LRP1B: variants seen among roughly 807,000 people sequenced by gnomAD.
LRP1B encodes the protein LDL receptor related protein 1B.
A neutral mutation model predicts 556.6 loss-of-function variants in LRP1B; 217 were observed. The ratio of observed to expected loss-of-function variants is 0.39; its 90% CI spans 0.35 to 0.44. LRP1B has a LOEUF of 0.44. Ranked by LOEUF, LRP1B falls within the 20% of genes least tolerant of loss-of-function variation. LRP1B has a pLI of 1.00. For missense variants in LRP1B, 5,053 were observed against 5,620.8 expected, an observed-to-expected ratio of 0.90 and a Z score of 3.23; for synonymous variants, 2,047 against 1,865.8, an observed-to-expected ratio of 1.10 and a Z score of -2.50.
chr2:141,311,344 C>T (rs1313040735), intron 3 of LRP1B, among the ~76,000 whole-genome samples: 1 of 152,162 alleles, frequency 6.6e-6, no homozygotes, highest in African/African-American at 2.4e-5. Flanking sequence ...CTAAAGATTA[C>T]TATCCCTCTC....
chr2:140,900,794 T>C (rs1694081294), intron 23 of LRP1B, among the ~76,000 whole-genome samples: 1 of 135,446 alleles, frequency 7.4e-6, no homozygotes, highest in Admixed American at 8.0e-5. Context: ...TCAAGAACAA[T>C]ATGTCCTAGA....
intron 3 of LRP1B, among the ~76,000 whole-genome samples, chr2:141,320,771 C>T (rs1015389801): frequency 7.2e-5 from 11 of 152,036 alleles, no homozygotes; most frequent in Admixed American, 4.6e-4. Flanking sequence ...CGCAGTTTCA[C>T]GTAAAATTAA....
At chr2:141,357,044 TTTTTA>T (rs1262851377) in intron 3 of LRP1B, among the ~76,000 whole-genome samples, 11 of 150,814 alleles carry the variant, frequency 7.3e-5, no homozygotes, top group East Asian at 3.9e-4. Flanking sequence ...TTTTATTTTA[TTTTTA>T]TTTTATTTTA....
intron 18 of LRP1B, among the ~76,000 whole-genome samples, chr2:140,972,544 T>C (rs1696460006): frequency 6.6e-6 from 1 of 152,112 alleles, no homozygotes; most frequent in Non-Finnish European, 1.5e-5. Context: ...GCATCTTTGA[T>C]GTTCTCAGAA....
At chr2:140,246,106 G>A (rs748366976) in intron 87 of LRP1B, among the ~76,000 whole-genome samples, 4 of 151,348 alleles carry the variant, frequency 2.6e-5, no homozygotes, top group African/African-American at 9.7e-5. Flanking sequence ...AGGAATGTCA[G>A]CAGAGATGGG....
intron 10 of LRP1B, among the ~76,000 whole-genome samples, chr2:141,051,812 A>G (rs1253222889): frequency 6.6e-6 from 1 of 151,976 alleles, no homozygotes; most frequent in East Asian, 1.9e-4. Context: ...TATATCCTTG[A>G]TATTCATCCA....
intron 2 of LRP1B, among the ~76,000 whole-genome samples, chr2:141,801,407 G>T (rs540496809): frequency 6.6e-6 from 1 of 152,144 alleles, no homozygotes; most frequent in Non-Finnish European, 1.5e-5. Flanking sequence ...TCTTGCCTTG[G>T]CTTCCTTAAA....
chr2:141,966,302 C>T (rs146619978), intron 1 of LRP1B, among the ~76,000 whole-genome samples: 94 of 151,120 alleles, frequency 6.2e-4, no homozygotes, highest in Middle Eastern at 3.4e-3. Flanking sequence ...ATCTAATATT[C>T]CATGGAGTGT....
At chr2:141,540,149 T>A (rs1191168247) in intron 2 of LRP1B, among the ~76,000 whole-genome samples, 2 of 152,192 alleles carry the variant, frequency 1.3e-5, no homozygotes, top group African/African-American at 4.8e-5. Flanking sequence ...AATTCCCTTT[T>A]CCTATAGATG....
At chr2:141,875,222 C>T (rs12623038) in intron 1 of LRP1B, among the ~76,000 whole-genome samples, 26,430 of 150,886 alleles carry the variant, frequency 0.18, 2,721 homozygotes, top group East Asian at 0.34. Context: ...GTTGCCCAGG[C>T]GGGTCTCAAA....
At chr2:141,619,854 C>T (rs1273604233) in intron 2 of LRP1B, among the ~76,000 whole-genome samples, 1 of 152,172 alleles carries the variant, frequency 6.6e-6, no homozygotes, top group African/African-American at 2.4e-5. Context: ...AGAACATGAT[C>T]CACCCACTCT....
At chr2:141,369,732 A>T (rs1285129852) in intron 3 of LRP1B, among the ~76,000 whole-genome samples, 1 of 152,120 alleles carries the variant, frequency 6.6e-6, no homozygotes, top group African/African-American at 2.4e-5. Flanking sequence ...ATTGTGGTGA[A>T]CTCAGGGCAT....
At chr2:141,945,539 GTATA>G (rs10548880) in intron 1 of LRP1B, among the ~76,000 whole-genome samples, 28 of 148,386 alleles carry the variant, frequency 1.9e-4, no homozygotes, top group South Asian at 6.4e-4. Flanking sequence ...ATGTATATAT[GTATA>G]TATATATATA....
intron 2 of LRP1B, among the ~76,000 whole-genome samples, chr2:141,595,171 A>T (rs944600308): frequency 6.6e-6 from 1 of 152,152 alleles, no homozygotes; most frequent in Non-Finnish European, 1.5e-5. Context: ...TTTTTAAATT[A>T]GAAGATGAAA....
chr2:140,903,732 G>T (rs1480037950), intron 22 of LRP1B, among the ~76,000 whole-genome samples: 1 of 150,764 alleles, frequency 6.6e-6, no homozygotes, highest in Non-Finnish European at 1.5e-5. Context: ...TAAGTTAGGT[G>T]AATTATACAT....
chr2:140,881,175 C>A (rs1015989078), intron 25 of LRP1B, among the ~76,000 whole-genome samples: 1 of 151,794 alleles, frequency 6.6e-6, no homozygotes, highest in South Asian at 2.1e-4. Flanking sequence ...TTGTACATAG[C>A]ACTAAGATAG....
intron 3 of LRP1B, among the ~76,000 whole-genome samples, chr2:141,388,219 T>C (rs945180795): frequency 3.9e-5 from 6 of 152,106 alleles, no homozygotes; most frequent in African/African-American, 1.4e-4. Flanking sequence ...GCAGATCACC[T>C]GAGGTCAGGA....
chr2:141,250,380 G>C (rs1684216796), intron 4 of LRP1B, among the ~76,000 whole-genome samples: 1 of 152,058 alleles, frequency 6.6e-6, no homozygotes, highest in Non-Finnish European at 1.5e-5. Flanking sequence ...GGGACTGGGG[G>C]TTGGGCTAAA....
chr2:141,829,738 T>A (rs1359849789), intron 1 of LRP1B, among the ~76,000 whole-genome samples: 1 of 152,020 alleles, frequency 6.6e-6, no homozygotes, highest in Non-Finnish European at 1.5e-5. Flanking sequence ...CATATACATG[T>A]CCCGTTTTGA....
Sources: allele counts gnomAD v4.1 joint callset (sites outside exome capture counted in the v4.1 genomes callset), GRCh38; gene constraint gnomAD v4.1.1; transcripts MANE v1.5; gene names NCBI Gene and HGNC (gene_info 2026-07-23, HGNC 2026-07-21).